PCDHA4: variants seen among roughly 807,000 people sequenced by gnomAD.
The protein encoded by PCDHA4 is protocadherin alpha-4.
In PCDHA4, 49 loss-of-function variants were observed where a neutral mutation model predicts 61.4. That is an observed-to-expected ratio of 0.80 (90% confidence interval 0.63 to 1.01). PCDHA4 has a LOEUF of 1.01. Among genes scored for constraint, PCDHA4 ranks in the 50% least tolerant of loss-of-function variants. The probability of loss-of-function intolerance (pLI) is 0.00; values close to 1 mark genes in which losing one functional copy is unlikely to be tolerated. For synonymous variants in PCDHA4, 590 were observed against 550.3 expected, an observed-to-expected ratio of 1.07 and a Z score of -1.01; for missense variants, 1,254 against 1,235.8, an observed-to-expected ratio of 1.01 and a Z score of -0.22.
At chr5:140,876,968 T>C (rs782613091) in intron 1 of PCDHA4, 1 of 1,608,986 alleles carries the variant, frequency 6.2e-7, no homozygotes, top group Non-Finnish European at 8.5e-7. Context: ...GAGCGGCGGG[T>C]GGGCGAGCAC....
rs2150127070 is a variant in PCDHA4 at position 140,823,576 on chromosome 5, G to C, written c.2385+14004G>C. The C allele has an allele frequency of 3.7e-6, 6 of 1,613,976 alleles. No homozygotes were observed. In the East Asian group the frequency reaches 1.3e-4, roughly 36 times the overall value. ...GGTGCGCGCAGTGGACCCTGATTCG[G>C]GCTACAACGCTTGGCTTTCGTATGA... On this transcript the variant is annotated intron_variant, in intron 1 of 3. Coordinates refer to ENST00000530339, the MANE Select transcript of PCDHA4 (RefSeq NM_018907.4).
chr5:140,870,447 C>T (rs1554164277), intron 1 of PCDHA4: 15 of 1,614,216 alleles, frequency 9.3e-6, no homozygotes, highest in Non-Finnish European at 9.3e-6. Flanking sequence ...CCGACGTGAA[C>T]GACAATGCGC....
At chr5:140,941,299 TC>T (rs1554214293) in intron 1 of PCDHA4, among the ~76,000 whole-genome samples, 2 of 144,342 alleles carry the variant, frequency 1.4e-5, no homozygotes, top group African/African-American at 2.5e-5. Context: ...TTTCTTTCTT[TC>T]TTTCTTTTTC....
Position 140,807,310 on chromosome 5 carries a change from C to A in PCDHA4, c.123C>A (p.His41Gln). The change falls in exon 1 of 4, where the codon CAC becomes CAA. Residue 41 changes from histidine (H) to glutamine (Q), a missense_variant. By Grantham distance (24) the His-to-Gln change is conservative (BLOSUM62 0). Transcript: ENST00000530339. ...ACTCGGTCTCCGAGGAGGCCAAACA[C>A]GGCACCTTCGTGGGCCGCATCGCGC... ...LHYSVSEEAKHGTFVGRIAQD... is the reference protein window; with the variant it reads ...LHYSVSEEAKQGTFVGRIAQD... The A allele has an allele frequency of 6.2e-7, 1 of 1,614,114 alleles. No homozygotes were observed. Among genetic ancestry groups the A allele is most frequent in the Non-Finnish European group, 8.5e-7 (1 of 1,180,038 alleles).
chr5:140,884,555 G>A (rs1554181729), intron 1 of PCDHA4: 1 of 1,614,098 alleles, frequency 6.2e-7, no homozygotes. Flanking sequence ...CTCTGGGGAG[G>A]GCCCGCATAA....
At chr5:140,858,837 T>A (rs2045615327) in intron 1 of PCDHA4, 1 of 319,506 alleles carries the variant, frequency 3.1e-6, no homozygotes, top group Non-Finnish European at 5.9e-6. Context: ...TACCAAAAAA[T>A]TCCACTGATC....
intron 1 of PCDHA4, among the ~76,000 whole-genome samples, chr5:140,894,571 T>C (rs782019282): frequency 2.0e-5 from 3 of 151,906 alleles, no homozygotes; most frequent in Non-Finnish European, 4.4e-5. Flanking sequence ...TTATTTTCCT[T>C]TTTTTTAATA....
intron 3 of PCDHA4, chr5:140,989,066 C>T (rs2097328502): frequency 6.6e-6 from 1 of 152,200 alleles, no homozygotes; most frequent in South Asian, 2.1e-4. Flanking sequence ...TGAGGCAATA[C>T]AGTCTGGCCT....
intron 1 of PCDHA4, chr5:140,876,345 T>C (rs2056299947): frequency 6.2e-7 from 1 of 1,614,024 alleles, no homozygotes; most frequent in Non-Finnish European, 8.5e-7. Context: ...GTGAGAAATG[T>C]ATGTTTTCAA....
chr5:140,911,473 T>C (rs2075497981), intron 1 of PCDHA4, among the ~76,000 whole-genome samples: 1 of 152,180 alleles, frequency 6.6e-6, no homozygotes, highest in Non-Finnish European at 1.5e-5. Flanking sequence ...GATAAGACTC[T>C]CACTCAGGGC....
chr5:140,943,057 G>A (rs907618778), intron 1 of PCDHA4, among the ~76,000 whole-genome samples: 2 of 151,996 alleles, frequency 1.3e-5, no homozygotes, highest in African/African-American at 4.8e-5. Context: ...AGGAGTTCAA[G>A]AACAGCCTGA....
intron 1 of PCDHA4, chr5:140,834,431 G>C (rs2150217688): frequency 1.2e-6 from 2 of 1,611,242 alleles, no homozygotes; most frequent in Admixed American, 1.7e-5. Context: ...ATCTACTGCT[G>C]TTTATTATAA....
In PCDHA4 at chr5:140,807,657, C is replaced by T; in HGVS notation, c.470C>T (p.Ala157Val). 6.2e-7 allele frequency: 1 copy of T among 1,614,220 alleles called. No homozygotes were observed. The highest frequency in any genetic ancestry group is 8.5e-7 in the Non-Finnish European group (1 of 1,180,040). ...PLDSRFPLEG[A>V]SDADIGENAL... ...GACTCTCGGTTTCCACTAGAGGGCG[C>T]CTCGGATGCAGATATCGGGGAGAAC... Residue 157 changes from alanine to valine, a missense_variant, in exon 1 of 4, where the codon GCC (alanine) becomes GTC (valine). Coordinates refer to ENST00000530339, the MANE Select transcript of PCDHA4 (RefSeq NM_018907.4).
intron 1 of PCDHA4, chr5:140,843,673 T>G: frequency 6.3e-7 from 1 of 1,592,546 alleles, no homozygotes; most frequent in Non-Finnish European, 8.6e-7. Flanking sequence ...GATCAGTTGA[T>G]GTAGGCGAAG....
At chr5:140,873,291 T>G (rs1392246125) in intron 1 of PCDHA4, among the ~76,000 whole-genome samples, 1 of 152,198 alleles carries the variant, frequency 6.6e-6, no homozygotes, top group Admixed American at 6.5e-5. Context: ...TTATGAAACT[T>G]TATAAATATA....
intron 1 of PCDHA4, among the ~76,000 whole-genome samples, chr5:140,879,733 A>G (rs1213918807): frequency 6.6e-6 from 1 of 152,218 alleles, no homozygotes; most frequent in African/African-American, 2.4e-5. Flanking sequence ...GTCCAAAATC[A>G]AGGTGTTGTC....
At chr5:140,829,519 G>C (rs2150169302) in intron 1 of PCDHA4, 3 of 1,613,422 alleles carry the variant, frequency 1.9e-6, no homozygotes, top group African/African-American at 1.3e-5. Flanking sequence ...ACATCTTCAC[G>C]GTGTCTGCGC....
intron 1 of PCDHA4, chr5:140,871,317 G>A: frequency 6.2e-7 from 1 of 1,614,080 alleles, no homozygotes; most frequent in Non-Finnish European, 8.5e-7. Flanking sequence ...AGCCCACGCT[G>A]GTGTGCTCCC....
chr5:140,839,415 G>A (rs1374015208), intron 1 of PCDHA4, among the ~76,000 whole-genome samples: 2 of 151,792 alleles, frequency 1.3e-5, no homozygotes, highest in African/African-American at 4.8e-5. Context: ...TTTGAGACAG[G>A]GTCTCACTCT....
Sources: gnomAD v4.1 joint callset for allele counts (sites outside exome capture counted in the v4.1 genomes callset) on GRCh38, gnomAD v4.1.1 for gene constraint, MANE v1.5 for transcripts, NCBI Gene and HGNC (gene_info 2026-07-23, HGNC 2026-07-21) for gene names.